The following SMOC1 variants were observed in gnomAD, a reference collection of about 807,000 sequenced individuals.
SMOC1 encodes the protein SPARC related modular calcium binding 1.
A neutral mutation model predicts 56.3 loss-of-function variants in SMOC1; 22 were observed. The observed-to-expected ratio is 0.39, with a 90% CI of 0.28 to 0.56. The LOEUF is 0.56. SMOC1 is among the 20% of genes least tolerant of loss of function. SMOC1 has a pLI of 0.61. For missense variants in SMOC1, 509 were observed against 565.4 expected (o/e 0.90, Z 1.01); for synonymous variants, 193 against 215.0 (o/e 0.90, Z 0.89).
chr14:69,908,049 T>G (rs1884456733), intron 1 of SMOC1, among the ~76,000 whole-genome samples: 1 of 152,154 alleles, frequency 6.6e-6, no homozygotes, highest in Admixed American at 6.5e-5. Context: ...CAGCAATAGG[T>G]GAATCAACTG....
At chr14:69,974,157 C>G (rs542516808) in intron 3 of SMOC1, among the ~76,000 whole-genome samples, 60 of 152,252 alleles carry the variant, frequency 3.9e-4, no homozygotes, top group African/African-American at 1.1e-3. Context: ...AAATAACTAG[C>G]ATGCAGTCCC....
chr14:69,917,720 C>G (rs980539058), intron 1 of SMOC1, among the ~76,000 whole-genome samples: 25 of 152,198 alleles, frequency 1.6e-4, no homozygotes, highest in Non-Finnish European at 8.8e-5. Flanking sequence ...TCAAAAATGG[C>G]AAACATTGTT....
intron 1 of SMOC1, among the ~76,000 whole-genome samples, chr14:69,919,107 A>G (rs949215114): frequency 6.6e-6 from 1 of 152,168 alleles, no homozygotes; most frequent in Non-Finnish European, 1.5e-5. Flanking sequence ...ACTTAGGGTT[A>G]CTTTTTGCAG....
chr14:69,925,350 T>C (rs535895094), intron 1 of SMOC1, among the ~76,000 whole-genome samples: 22 of 151,966 alleles, frequency 1.4e-4, no homozygotes, highest in African/African-American at 5.3e-4. Context: ...CTTTAGTAGA[T>C]TGGAGGGCTC....
In SMOC1 at chr14:69,947,087, G is replaced by GCCTTCCCTCCTTCCTT. The variant is rs1555360726; in HGVS notation, c.100-5045_100-5044insCTCCTTCCTTCCTTCC. Among the ~76,000 whole-genome samples the GCCTTCCCTCCTTCCTT allele has an allele frequency of 3.9e-4, 56 of 143,476 alleles. 1 individual carries two copies. Among genetic ancestry groups the GCCTTCCCTCCTTCCTT allele is most frequent in the African/African-American group, 1.4e-3 (54 of 38,262 alleles). 94.1% of individuals were successfully genotyped at this position (143,476 alleles called of 152,430 possible). The stretch of plus-strand genomic sequence containing the variant: ...TTATAAATTACCCAGTCTCAGGCCG[G>GCCTTCCCTCCTTCCTT]CCTTCCTTCCTTCCTTCCTTCCTTC... On this transcript the variant is annotated intron_variant, in intron 1 of 11. Transcript: ENST00000361956.
At chr14:69,934,136 A>G (rs1469266759) in intron 1 of SMOC1, among the ~76,000 whole-genome samples, 1 of 152,174 alleles carries the variant, frequency 6.6e-6, no homozygotes, top group East Asian at 1.9e-4. Flanking sequence ...ACTGGATCCC[A>G]GGTGTGTCTC....
At chr14:69,892,081 A>G (rs983556290) in intron 1 of SMOC1, among the ~76,000 whole-genome samples, 1 of 152,210 alleles carries the variant, frequency 6.6e-6, no homozygotes, top group African/African-American at 2.4e-5. Flanking sequence ...ATGTTATATG[A>G]AAGGACGAGG....
chr14:70,009,570 G>T (rs1247202074), intron 7 of SMOC1, among the ~76,000 whole-genome samples: 1 of 152,228 alleles, frequency 6.6e-6, no homozygotes, highest in African/African-American at 2.4e-5. Flanking sequence ...TAAACATTCA[G>T]TGGGTGCCCA....
At position 70,011,048 on chromosome 14, in the gene SMOC1, C is replaced by T. The variant is rs556941671; in HGVS notation, c.857+102C>T. ...GCCCTGGTCTGGTGGGAGATGAGTG[C>T]CTGGGAGAGCCATGTTTTCAATGAG... is the stretch of plus-strand genomic sequence containing the variant. On this transcript the variant is annotated intron_variant, in intron 8 of 11. Coordinates refer to ENST00000361956, the MANE Select transcript of SMOC1 (RefSeq NM_001034852.3). 2.3e-3 allele frequency: 3,047 copies of T among 1,320,222 alleles called. 2 individuals carry two copies. Among genetic ancestry groups the T allele is most frequent in the Non-Finnish European group, 2.9e-3 (2,728 of 935,042 alleles). 81.8% of individuals were successfully genotyped at this position (1,320,222 alleles called of 1,614,324 possible). A position where few individuals can be genotyped will look rare whatever the true frequency, so the allele number is the denominator to read the frequency against.
intron 7 of SMOC1, among the ~76,000 whole-genome samples, chr14:70,009,009 C>A (rs1885241115): frequency 6.6e-6 from 1 of 152,150 alleles, no homozygotes; most frequent in Admixed American, 6.5e-5. Flanking sequence ...TCTCTAGATG[C>A]TGTTCTGGTG....
intron 3 of SMOC1, among the ~76,000 whole-genome samples, chr14:69,968,011 A>G (rs1883633282): frequency 6.6e-6 from 1 of 152,234 alleles, no homozygotes; most frequent in Non-Finnish European, 1.5e-5. Flanking sequence ...TCCATGTGTG[A>G]AATCACCCAG....
chr14:69,885,856 C>G, intron 1 of SMOC1: 1 of 1,601,218 alleles, frequency 6.2e-7, no homozygotes, highest in Non-Finnish European at 8.5e-7. Flanking sequence ...CCAGCTTAAG[C>G]AGCTGAGTAG....
chr14:69,975,561 C>T (rs533315269), intron 3 of SMOC1, among the ~76,000 whole-genome samples, 154 bp from the exon 4 acceptor site: 1 of 152,266 alleles, frequency 6.6e-6, no homozygotes, highest in African/African-American at 2.4e-5. Context: ...ACTGACTGGA[C>T]CACCCATGAG....
intron 10 of SMOC1, among the ~76,000 whole-genome samples, chr14:70,014,008 G>A (rs1885423200): frequency 6.6e-6 from 1 of 152,230 alleles, no homozygotes; most frequent in Non-Finnish European, 1.5e-5. Context: ...TGGTAGCTGA[G>A]GCAGTCCTGA....
At chr14:69,881,666 A>G (rs1352199141) in intron 1 of SMOC1, among the ~76,000 whole-genome samples, 2 of 151,796 alleles carry the variant, frequency 1.3e-5, no homozygotes, top group African/African-American at 4.8e-5. Context: ...ACTCAAATAC[A>G]TACATGCACA....
chr14:69,967,388 C>T (rs943903824), intron 3 of SMOC1, among the ~76,000 whole-genome samples: 15 of 152,210 alleles, frequency 9.9e-5, no homozygotes, highest in African/African-American at 1.4e-4. Context: ...TCCCATGGCC[C>T]GCAGGCCACA....
chr14:69,921,829 G>A (rs1016311355), intron 1 of SMOC1, among the ~76,000 whole-genome samples: 2 of 152,146 alleles, frequency 1.3e-5, no homozygotes, highest in African/African-American at 4.8e-5. Flanking sequence ...CTGGTGTTTT[G>A]CAATGGGAAC....
intron 3 of SMOC1, among the ~76,000 whole-genome samples, chr14:69,965,306 G>C (rs1024204855): frequency 6.6e-6 from 1 of 151,878 alleles, no homozygotes; most frequent in African/African-American, 2.4e-5. Context: ...GCTTGAACCC[G>C]GGAGGTGGAG....
At chr14:69,923,453 A>G (rs896116975) in intron 1 of SMOC1, among the ~76,000 whole-genome samples, 1 of 152,206 alleles carries the variant, frequency 6.6e-6, no homozygotes, top group Non-Finnish European at 1.5e-5. Context: ...CCAGAAGGAA[A>G]GAGAGACCTG....
Sources: allele counts gnomAD v4.1 joint callset (sites outside exome capture counted in the v4.1 genomes callset), GRCh38; gene constraint gnomAD v4.1.1; transcripts MANE v1.5; gene names NCBI Gene and HGNC (gene_info 2026-07-23, HGNC 2026-07-21).